The following PLBD2 variants were observed in gnomAD, a reference collection of about 807,000 sequenced individuals.
PLBD2 encodes phospholipase B domain containing 2.
PLBD2 carries 51 observed loss-of-function variants against 68.3 expected under a neutral mutation model. That is an observed-to-expected ratio of 0.75 (90% CI 0.60 to 0.94). The LOEUF is 0.94. Among genes scored for constraint, PLBD2 ranks in the 40% least tolerant of loss-of-function variants. The pLI, the probability that PLBD2 is intolerant of heterozygous loss-of-function variation, is 0.00. For missense variants in PLBD2, 729 were observed against 792.2 expected (o/e 0.92, Z 0.96); for synonymous variants, 314 against 339.3 (o/e 0.93, Z 0.82).
At chr12:113,375,904 A>G (rs1593285820) in intron 5 of PLBD2, among the ~76,000 whole-genome samples, 1 of 152,292 alleles carries the variant, frequency 6.6e-6, no homozygotes, top group East Asian at 1.9e-4. Flanking sequence ...CCCAGGCTGG[A>G]GTGCAGTGGC....
chr12:113,369,188 G>A lies in PLBD2; in HGVS notation c.363G>A (p.Val121=). 1 of 1,605,294 alleles carries A rather than the reference G, an allele frequency of 6.2e-7. No homozygotes were observed. The highest frequency in any genetic ancestry group is 8.5e-7 in the Non-Finnish European group (1 of 1,175,984). The change falls in exon 2 of 12, where the codon GTG becomes GTA. Residue 121 remains valine, a synonymous_variant. Coordinates refer to ENST00000280800, the MANE Select transcript of PLBD2 (RefSeq NM_173542.4). ...DSLQAYAAGV[V]EAAVSEELIY... is the part of the protein sequence containing the mutation. ...TGCAGGCCTATGCAGCCGGTGTGGT[G>A]GAGGCTGCTGTGTCGGAGGAGGTAA...
At chr12:113,361,245 T>A (rs564242119) in intron 1 of PLBD2, among the ~76,000 whole-genome samples, 2 of 151,848 alleles carry the variant, frequency 1.3e-5, no homozygotes, top group Admixed American at 1.3e-4. Flanking sequence ...AATCCCCAGA[T>A]TTTGCCACTG....
chr12:113,384,973 G>T lies in PLBD2; in HGVS notation c.1214+27G>T. 6.3e-7 allele frequency: 1 copy of T among 1,578,100 alleles called. No homozygotes were observed. Among genetic ancestry groups the T allele is most frequent in the South Asian group, 1.1e-5 (1 of 88,340 alleles). The stretch of plus-strand genomic sequence containing the variant: ...TGCGTACCCTGGGAGGGAGGGGTGG[G>T]GGCTCGGGGCAGAGGGGACTGCCAG... On this transcript the variant is annotated intron_variant, in intron 8 of 11. Coordinates refer to ENST00000280800, the MANE Select transcript of PLBD2 (RefSeq NM_173542.4). The surrounding 1 kb of genome is among the most constrained non-coding windows in gnomAD (Gnocchi z 4.2).
At chr12:113,388,112 T>G (rs1957571447) in intron 11 of PLBD2, among the ~76,000 whole-genome samples, 1 of 152,020 alleles carries the variant, frequency 6.6e-6, no homozygotes, top group Non-Finnish European at 1.5e-5. Context: ...GAGCCCAAGG[T>G]GGGCAGATCA....
chr12:113,387,566 A>T (rs1267907036), intron 10 of PLBD2, among the ~76,000 whole-genome samples, 178 bp from the exon 11 acceptor site: 6 of 152,066 alleles, frequency 3.9e-5, no homozygotes, highest in Non-Finnish European at 8.8e-5. Flanking sequence ...AGGCAGAGTG[A>T]CTTAGGTGAA....
chr12:113,370,019 C>G (rs1282430603), intron 2 of PLBD2, among the ~76,000 whole-genome samples: 3 of 151,972 alleles, frequency 2.0e-5, no homozygotes, highest in Admixed American at 1.3e-4. Context: ...CCTGCCTCAG[C>G]CTTCCGACTA....
chr12:113,380,232 G>A (rs914341958), intron 5 of PLBD2, among the ~76,000 whole-genome samples: 4 of 152,148 alleles, frequency 2.6e-5, no homozygotes, highest in Non-Finnish European at 5.9e-5. Context: ...TGCCTCCCGG[G>A]TTCACGCCAT....
At chr12:113,359,918 C>T (rs551743952) in intron 1 of PLBD2, among the ~76,000 whole-genome samples, 1 of 152,118 alleles carries the variant, frequency 6.6e-6, no homozygotes, top group Non-Finnish European at 1.5e-5. Flanking sequence ...GTGCATCCGT[C>T]ATATCCTAGT....
chr12:113,367,172 A>G (rs1235062135), intron 1 of PLBD2, among the ~76,000 whole-genome samples: 1 of 152,234 alleles, frequency 6.6e-6, no homozygotes, highest in African/African-American at 2.4e-5. Context: ...CCAACCAATA[A>G]GAAAAGATTT....
At chr12:113,371,669 G>A (rs1435232233) in intron 2 of PLBD2, among the ~76,000 whole-genome samples, 1 of 152,236 alleles carries the variant, frequency 6.6e-6, no homozygotes, top group African/African-American at 2.4e-5. Flanking sequence ...CATGTGCCAG[G>A]CACTTTGCCC....
At chr12:113,388,361 G>T in intron 11 of PLBD2, 98 bp from the exon 12 acceptor site, 2 of 1,217,232 alleles carry the variant, frequency 1.6e-6, no homozygotes, top group Non-Finnish European at 2.2e-6. Context: ...TGACAGTTCA[G>T]AATTGGGCTC....
intron 1 of PLBD2, among the ~76,000 whole-genome samples, chr12:113,361,811 T>C (rs1299288105): frequency 6.6e-6 from 1 of 152,160 alleles, no homozygotes; most frequent in Non-Finnish European, 1.5e-5. Flanking sequence ...CCAACCTTAC[T>C]TTGTCTTCCT....
chr12:113,388,070 G>A (rs1034555002), intron 11 of PLBD2, among the ~76,000 whole-genome samples, 164 bp downstream of exon 11: 16 of 152,152 alleles, frequency 1.1e-4, no homozygotes, highest in Non-Finnish European at 1.5e-4. Context: ...GGCTGGGCAC[G>A]GTGGCTCATG....
chr12:113,381,189 A>G (rs1336683017), intron 6 of PLBD2, among the ~76,000 whole-genome samples: 4 of 152,058 alleles, frequency 2.6e-5, no homozygotes, highest in Non-Finnish European at 5.9e-5. Context: ...GTTTGGGACT[A>G]TCCCTGACCT....
At chr12:113,369,806 G>T (rs778367636) in intron 2 of PLBD2, among the ~76,000 whole-genome samples, 1 of 152,074 alleles carries the variant, frequency 6.6e-6, no homozygotes, top group Non-Finnish European at 1.5e-5. Context: ...ACTGCTGATG[G>T]GTATGGGGTT....
chr12:113,382,868 T>TGTGTGTC (rs1491184280), intron 6 of PLBD2, among the ~76,000 whole-genome samples: 1 of 83,506 alleles, frequency 1.2e-5, no homozygotes, highest in Admixed American at 1.2e-4. Context: ...TGTGTGTGTG[T>TGTGTGTC]TTTTTTTTTT....
intron 10 of PLBD2, 113 bp from the exon 11 acceptor site, chr12:113,387,631 C>T (rs1957564190): frequency 8.5e-7 from 1 of 1,179,396 alleles, no homozygotes; most frequent in Non-Finnish European, 1.2e-6. Context: ...GTGGGAGGGG[C>T]TCATCAAGTT....
intron 9 of PLBD2, 120 bp from the exon 10 acceptor site, chr12:113,386,817 C>T: frequency 8.2e-7 from 1 of 1,220,802 alleles, no homozygotes; most frequent in Non-Finnish European, 1.1e-6. Context: ...CTGCACCCAG[C>T]CTGAATGTCG....
At chr12:113,368,146 G>A (rs1957358117) in intron 1 of PLBD2, among the ~76,000 whole-genome samples, 1 of 151,996 alleles carries the variant, frequency 6.6e-6, no homozygotes, top group South Asian at 2.1e-4. Context: ...CTTCTAACCA[G>A]GCCTTCAGGT....
Sources: allele counts gnomAD v4.1 joint callset (sites outside exome capture counted in the v4.1 genomes callset), GRCh38; gene constraint gnomAD v4.1.1; non-coding constraint Gnocchi (gnomAD v3.1); transcripts MANE v1.5; gene names NCBI Gene and HGNC (gene_info 2026-07-23, HGNC 2026-07-21).